MINDY2: variants seen among roughly 807,000 people sequenced by gnomAD.
MINDY2 encodes the protein ubiquitin carboxyl-terminal hydrolase MINDY-2.
Under a neutral mutation model 68.2 loss-of-function variants are expected in MINDY2, and 52 were observed. The ratio of observed to expected loss-of-function variants is 0.76; its 90% CI spans 0.61 to 0.96. The LOEUF is 0.96. Ranked by LOEUF, MINDY2 falls within the 40% of genes least tolerant of loss-of-function variation. MINDY2 has a pLI of 0.00. For missense variants in MINDY2, 881 were observed against 773.4 expected, an observed-to-expected ratio of 1.14 and a Z score of -1.65; for synonymous variants, 372 against 303.0, an observed-to-expected ratio of 1.23 and a Z score of -2.36.
chr15:58,803,713 G>A (rs1350752462), intron 3 of MINDY2, among the ~76,000 whole-genome samples: 1 of 152,090 alleles, frequency 6.6e-6, no homozygotes, highest in African/African-American at 2.4e-5. Flanking sequence ...CTATTCAGGA[G>A]GTTGAGGCAT....
chr15:58,774,766 A>G (rs1346340304), intron 1 of MINDY2, among the ~76,000 whole-genome samples: 2 of 152,210 alleles, frequency 1.3e-5, no homozygotes, highest in Non-Finnish European at 2.9e-5. Flanking sequence ...AAGATACTGA[A>G]GCAGAAAAGG....
chr15:58,798,770 C>G (rs1902449620), intron 2 of MINDY2, among the ~76,000 whole-genome samples: 1 of 152,076 alleles, frequency 6.6e-6, no homozygotes, highest in Non-Finnish European at 1.5e-5. Flanking sequence ...AGTAAATATT[C>G]ACTGAGCATG....
chr15:58,831,651 A>G (rs1173228517), intron 5 of MINDY2, 123 bp from the exon 6 acceptor site: 19 of 766,226 alleles, frequency 2.5e-5, no homozygotes, highest in South Asian at 2.1e-5. Context: ...ATCATAAAGT[A>G]GTAGGGAAAG....
At chr15:58,776,427 A>T (rs1470234894) in intron 1 of MINDY2, among the ~76,000 whole-genome samples, 1 of 152,228 alleles carries the variant, frequency 6.6e-6, no homozygotes, top group African/African-American at 2.4e-5. Flanking sequence ...GTGAAAAACC[A>T]GCATGGGCAC....
rs767469172 is a variant in MINDY2, at chr15:58,810,399, G to A, written c.1122+11G>A. 1 of 1,542,934 alleles carries A rather than the reference G, an allele frequency of 6.5e-7. No individual in the cohort carries two copies. The highest frequency in any genetic ancestry group is 8.7e-7 in the Non-Finnish European group (1 of 1,144,654). ...TTAGTAGACCCTCAGGTAAGTCGAA[G>A]AATTTAAATTATGTAAACACAAATA... On this transcript the variant is annotated intron_variant, in intron 4 of 8. Coordinates refer to ENST00000559228, the MANE Select transcript of MINDY2 (RefSeq NM_001040450.3).
At chr15:58,827,706 C>T (rs1794184336) in intron 5 of MINDY2, among the ~76,000 whole-genome samples, 1 of 152,120 alleles carries the variant, frequency 6.6e-6, no homozygotes. Context: ...CCCGCCTCGT[C>T]CTCCCAAAGT....
chr15:58,857,112 A>T lies in MINDY2; in HGVS notation c.*2502A>T, dbSNP rs2140884805. ...ATATTTCCAAGTCAGACTTTCTTAC[A>T]TTCCTGGAATTTACTTTGATATACC... On this transcript the variant is annotated 3_prime_UTR_variant, in exon 9 of 9. Transcript: ENST00000559228. 6.6e-6 allele frequency: 1 copy of T among 152,368 alleles called. No individual in the cohort carries two copies. The highest frequency in any genetic ancestry group is 1.9e-4 in the East Asian group (1 of 5,192). 9.4% of individuals were successfully genotyped at this position (152,368 alleles called of 1,614,324 possible). A position where few individuals can be genotyped will look rare whatever the true frequency, so the allele number is the denominator to read the frequency against.
At chr15:58,853,635 A>G (rs1281512456) in intron 8 of MINDY2, among the ~76,000 whole-genome samples, 1 of 151,898 alleles carries the variant, frequency 6.6e-6, no homozygotes, top group Non-Finnish European at 1.5e-5. Flanking sequence ...CCTGGCCAAT[A>G]TGATGAAACC....
intron 1 of MINDY2, among the ~76,000 whole-genome samples, chr15:58,773,621 G>C (rs1376082083): frequency 6.6e-6 from 1 of 152,134 alleles, no homozygotes; most frequent in Non-Finnish European, 1.5e-5. Context: ...ATTCAAAAAG[G>C]GGACATTTTC....
chr15:58,823,051 C>T lies in MINDY2; in HGVS notation c.1225+1232C>T, dbSNP rs137960970. On this transcript the variant is annotated intron_variant, in intron 5 of 8. Transcript: ENST00000559228. ...CAACTAATTACATTACTTAATTATC[C>T]AGAAGTTTAACACATTTTTGCAAAA... Among the ~76,000 whole-genome samples the T allele has an allele frequency of 5.5e-4, 84 of 151,846 alleles. No homozygotes were observed. The East Asian group carries it at 0.013, about 23-fold the overall frequency.
chr15:58,834,423 A>C (rs561808608), intron 6 of MINDY2, among the ~76,000 whole-genome samples: 34 of 152,120 alleles, frequency 2.2e-4, no homozygotes, highest in Non-Finnish European at 4.4e-4. Context: ...ACTCTCCTCA[A>C]ACCAGTGGTT....
At chr15:58,786,970 T>C (rs1901545087) in intron 1 of MINDY2, among the ~76,000 whole-genome samples, 1 of 152,008 alleles carries the variant, frequency 6.6e-6, no homozygotes. Flanking sequence ...GCTGGGATTA[T>C]AAGCATGCGC....
rs893564869 is a variant in MINDY2, at chr15:58,861,137, T to G, written c.*6527T>G. On this transcript the variant is annotated 3_prime_UTR_variant, in exon 9 of 9. Coordinates refer to ENST00000559228, the MANE Select transcript of MINDY2 (RefSeq NM_001040450.3). ...CTTTTCCTTGAATTGTGCAGAATAA[T>G]TGGATTGAGGCACATATTTTGAGGA... 6 of 152,208 alleles carry G rather than the reference T, an allele frequency of 3.9e-5. No individual in the cohort carries two copies. The highest frequency in any genetic ancestry group is 5.9e-5 in the Non-Finnish European group (4 of 68,036). The allele number at this position is 152,208 out of a possible 1,614,324, so 9.4% of individuals were successfully genotyped here.
rs185238502 is a variant in MINDY2 at position 58,811,634 on chromosome 15, C to G, written c.1122+1246C>G. ...GACCTTCAGGAGAGGAATACTACCC[C>G]CAAGCTATGGCCCAGCAGGGAAAGA... is the stretch of plus-strand genomic sequence containing the variant. On this transcript the variant is annotated intron_variant, in intron 4 of 8. Transcript: ENST00000559228. 4.2e-3 allele frequency among the ~76,000 whole-genome samples: 645 copies of G among 152,284 alleles called. 25 individuals carry two copies. Among genetic ancestry groups the G allele is most frequent in the Admixed American group, 0.036 (548 of 15,286 alleles).
At chr15:58,837,078 T>C (rs1166131532) in intron 6 of MINDY2, among the ~76,000 whole-genome samples, 1 of 152,108 alleles carries the variant, frequency 6.6e-6, no homozygotes, top group Non-Finnish European at 1.5e-5. Flanking sequence ...CTAAATAAAA[T>C]TTAGGGAAGG....
intron 2 of MINDY2, among the ~76,000 whole-genome samples, chr15:58,790,385 G>C (rs1431838464): frequency 6.6e-6 from 1 of 152,152 alleles, no homozygotes; most frequent in South Asian, 2.1e-4. Flanking sequence ...CTGTCAAGGA[G>C]TACACAAAGG....
intron 2 of MINDY2, among the ~76,000 whole-genome samples, chr15:58,789,075 C>T (rs768447793): frequency 6.6e-6 from 1 of 152,086 alleles, no homozygotes; most frequent in African/African-American, 2.4e-5. Context: ...CGGTGGCTCA[C>T]GCCTGTAATC....
At chr15:58,784,842 T>G (rs907232781) in intron 1 of MINDY2, among the ~76,000 whole-genome samples, 7 of 151,892 alleles carry the variant, frequency 4.6e-5, no homozygotes, top group Admixed American at 1.3e-4. Context: ...CCTGTATTGC[T>G]TAGGCTGGTC....
At chr15:58,821,511 T>C (rs1307296617) in intron 4 of MINDY2, among the ~76,000 whole-genome samples, 1 of 152,140 alleles carries the variant, frequency 6.6e-6, no homozygotes, top group African/African-American at 2.4e-5. Context: ...ATAATACAAC[T>C]GCAGTATTTT....
Sources: gnomAD v4.1 joint callset for allele counts (sites outside exome capture counted in the v4.1 genomes callset) on GRCh38, gnomAD v4.1.1 for gene constraint, MANE v1.5 for transcripts, NCBI Gene and HGNC (gene_info 2026-07-23, HGNC 2026-07-21) for gene names.